Variants in SPPL2A observed in about 807,000 individuals in gnomAD.
SPPL2A encodes signal peptide peptidase-like 2A.
A neutral mutation model predicts 63.8 loss-of-function variants in SPPL2A; 51 were observed. The observed-to-expected ratio is 0.80, with a 90% CI of 0.64 to 1.01. SPPL2A has a LOEUF of 1.01. Ranked by LOEUF, SPPL2A falls within the 50% of genes least tolerant of loss-of-function variation. SPPL2A has a pLI of 0.00. For synonymous variants in SPPL2A, 188 were observed against 205.8 expected (o/e 0.91, Z 0.74); for missense variants, 553 against 622.7 (o/e 0.89, Z 1.19).
At chr15:50,737,172 A>G (rs1276232522) in intron 6 of SPPL2A, among the ~76,000 whole-genome samples, 1 of 152,110 alleles carries the variant, frequency 6.6e-6, no homozygotes. Context: ...TTGGCCTCCA[A>G]AAGTGCTGGG....
Position 50,704,627 on chromosome 15 carries a change from T to G in SPPL2A, c.*3173A>C, listed in dbSNP as rs916784897. The G allele has an allele frequency of 6.6e-6, 1 of 152,106 alleles. No individual in the cohort carries two copies. Among genetic ancestry groups the G allele is most frequent in the African/African-American group, 2.4e-5 (1 of 41,426 alleles). 9.4% of individuals were successfully genotyped at this position (152,106 alleles called of 1,614,324 possible). A position where few individuals can be genotyped will look rare whatever the true frequency, so the allele number is the denominator to read the frequency against. On this transcript the variant is annotated 3_prime_UTR_variant, in exon 15 of 15. Coordinates refer to ENST00000261854, the MANE Select transcript of SPPL2A (RefSeq NM_032802.4). Reference sequence around the variant, plus strand: ...CCAGCTTCTCTTCCCCTTAAAGTTATTGGTGGTGGGAGGGCAAGAGAGGAA... The same window carrying G: ...CCAGCTTCTCTTCCCCTTAAAGTTAGTGGTGGTGGGAGGGCAAGAGAGGAA...
At chr15:50,708,147 C>T (rs918551960) in intron 14 of SPPL2A, among the ~76,000 whole-genome samples, 4 of 152,122 alleles carry the variant, frequency 2.6e-5, no homozygotes, top group African/African-American at 9.7e-5. Flanking sequence ...GAATACTGCC[C>T]TTCATGGCAG....
chr15:50,719,820 G>T, intron 14 of SPPL2A, 120 bp downstream of exon 14: 2 of 605,698 alleles, frequency 3.3e-6, no homozygotes, highest in South Asian at 5.0e-5. Context: ...CAGTGAGTAA[G>T]GGGGTATTAC....
chr15:50,755,336 T>G (rs1236365828), intron 1 of SPPL2A, among the ~76,000 whole-genome samples: 1 of 138,982 alleles, frequency 7.2e-6, no homozygotes, highest in East Asian at 2.2e-4. Context: ...AAAAAGCAAA[T>G]TTGGAAGGGC....
intron 5 of SPPL2A, among the ~76,000 whole-genome samples, chr15:50,744,547 G>A (rs2062844291): frequency 6.6e-6 from 1 of 151,946 alleles, no homozygotes; most frequent in Non-Finnish European, 1.5e-5. Context: ...TTTTAATTTA[G>A]AGCCAAAAGT....
At chr15:50,729,414 C>T (rs1446095651) in intron 10 of SPPL2A, among the ~76,000 whole-genome samples, 2 of 152,144 alleles carry the variant, frequency 1.3e-5, no homozygotes, top group Non-Finnish European at 2.9e-5. Context: ...TGCCAGCTGA[C>T]CCATATGCCA....
chr15:50,733,904 A>T (rs1014261910), intron 8 of SPPL2A, among the ~76,000 whole-genome samples: 5 of 152,202 alleles, frequency 3.3e-5, no homozygotes, highest in Admixed American at 6.5e-5. Context: ...CAGATATATG[A>T]AAAAATGCTC....
Position 50,704,551 on chromosome 15 carries a change from A to G in SPPL2A, c.*3249T>C, listed in dbSNP as rs950679679. ...CTAACTTTTTTTTTTTTGCATCAAG[A>G]ATTAATAAATACAGTGTATCATTAT... On this transcript the variant is annotated 3_prime_UTR_variant, in exon 15 of 15. Transcript: ENST00000261854. 1 of 151,896 alleles carries G rather than the reference A, an allele frequency of 6.6e-6. No homozygotes were observed. Among genetic ancestry groups the G allele is most frequent in the Admixed American group, 6.6e-5 (1 of 15,214 alleles). The allele number at this position is 151,896 out of a possible 1,614,324, so 9.4% of individuals were successfully genotyped here. A position where few individuals can be genotyped will look rare whatever the true frequency, so the allele number is the denominator to read the frequency against.
intron 5 of SPPL2A, among the ~76,000 whole-genome samples, chr15:50,745,501 A>G (rs1350189354): frequency 6.6e-6 from 1 of 151,262 alleles, no homozygotes; most frequent in Non-Finnish European, 1.5e-5. Flanking sequence ...CCTGGGCTCA[A>G]GTGAACTGCC....
At chr15:50,720,526 T>A (rs966859439) in intron 13 of SPPL2A, among the ~76,000 whole-genome samples, 1 of 151,486 alleles carries the variant, frequency 6.6e-6, no homozygotes, top group African/African-American at 2.4e-5. Context: ...TCTTTTTTTT[T>A]TTTTTTTTTC....
At chr15:50,752,497 C>T (rs1393139291) in intron 1 of SPPL2A, among the ~76,000 whole-genome samples, 1 of 152,048 alleles carries the variant, frequency 6.6e-6, no homozygotes, top group African/African-American at 2.4e-5. Context: ...GCGGGTAGAC[C>T]ACCTGAGGTC....
At chr15:50,756,665 C>T (rs1056087766) in intron 1 of SPPL2A, among the ~76,000 whole-genome samples, 12 of 152,064 alleles carry the variant, frequency 7.9e-5, no homozygotes, top group African/African-American at 2.9e-4. Flanking sequence ...GTGGGAAGAT[C>T]GCTTGAGGCC....
intron 13 of SPPL2A, 115 bp from the exon 14 acceptor site, chr15:50,720,215 G>A: frequency 1.3e-6 from 1 of 748,600 alleles, no homozygotes; most frequent in South Asian, 2.2e-5. Flanking sequence ...TTTGCTCTAT[G>A]ACTTCTTGTA....
intron 5 of SPPL2A, among the ~76,000 whole-genome samples, chr15:50,742,054 A>G (rs2141045593): frequency 6.6e-6 from 1 of 152,270 alleles, no homozygotes; most frequent in South Asian, 2.1e-4. Flanking sequence ...CGCAATAGAA[A>G]CCTAAGCTTT....
At chr15:50,763,569 T>C (rs189322777) in intron 1 of SPPL2A, among the ~76,000 whole-genome samples, 61 of 152,268 alleles carry the variant, frequency 4.0e-4, no homozygotes, top group Non-Finnish European at 7.4e-5. Context: ...GAGATTACCA[T>C]GGTGAGGTAC....
chr15:50,736,443 G>C (rs12902741), intron 7 of SPPL2A, among the ~76,000 whole-genome samples: 38,022 of 152,074 alleles, frequency 0.25, 5,718 homozygotes, highest in East Asian at 0.54. Flanking sequence ...AGTCATATGT[G>C]GCTATTGAGC....
chr15:50,713,415 C>T (rs945193086), intron 14 of SPPL2A, among the ~76,000 whole-genome samples: 6 of 151,850 alleles, frequency 4.0e-5, no homozygotes, highest in Non-Finnish European at 8.8e-5. Context: ...CAGGCGCCTG[C>T]CACCATGCCC....
chr15:50,736,231 T>C, intron 7 of SPPL2A, 29 bp from the exon 8 acceptor site: 1 of 1,290,658 alleles, frequency 7.7e-7, no homozygotes, highest in Non-Finnish European at 1.1e-6. Context: ...TAGTTAACAC[T>C]GCAGATGAAG....
At chr15:50,735,544 TAC>T (rs59560616) in intron 8 of SPPL2A, among the ~76,000 whole-genome samples, 41,910 of 149,384 alleles carry the variant, frequency 0.28, 6,856 homozygotes, top group African/African-American at 0.45. Flanking sequence ...CATATATACA[TAC>T]ACACACACAC....
Sources: gnomAD v4.1 joint callset for allele counts (sites outside exome capture counted in the v4.1 genomes callset) on GRCh38, gnomAD v4.1.1 for gene constraint, MANE v1.5 for transcripts, NCBI Gene and HGNC (gene_info 2026-07-23, HGNC 2026-07-21) for gene names.